Variants in SHKBP1 observed in about 807,000 individuals in gnomAD.
The protein encoded by SHKBP1 is SH3KBP1 binding protein 1, also known as SH3KBP1-binding protein 1.
In SHKBP1, 71 loss-of-function variants were observed where a neutral mutation model predicts 83.9. That is an observed-to-expected ratio of 0.85 (90% confidence interval 0.70 to 1.03). The LOEUF is 1.03. SHKBP1 is among the 50% of genes least tolerant of loss of function. The pLI is 0.00. For missense variants in SHKBP1, 824 were observed against 982.4 expected, an observed-to-expected ratio of 0.84 and a Z score of 2.16; for synonymous variants, 371 against 398.0, an observed-to-expected ratio of 0.93 and a Z score of 0.81.
intron 14 of SHKBP1, 79 bp downstream of exon 14, chr19:40,588,858 C>G: frequency 6.5e-7 from 1 of 1,550,142 alleles, no homozygotes; most frequent in Non-Finnish European, 8.7e-7. Context: ...TTCCCACTTG[C>G]GGCCACCTGA....
rs975318996 is a variant in SHKBP1, at chr19:40,590,470, C to G, written c.1768+48C>G. ...CCCGTCCCAAGCCCCACAGCCTCAC[C>G]CAGAACCACTCTCCACTGCCAACTG... On this transcript the variant is annotated intron_variant, in intron 16 of 17. Transcript: ENST00000291842. The surrounding 1 kb of genome is among the most constrained non-coding windows in gnomAD (Gnocchi z 4.6). The G allele has an allele frequency of 1.9e-6, 3 of 1,552,970 alleles. No individual in the cohort carries two copies. Among genetic ancestry groups the G allele is most frequent in the Non-Finnish European group, 2.6e-6 (3 of 1,145,716 alleles).
At chr19:40,589,714 G>A (rs926584101) in intron 15 of SHKBP1, among the ~76,000 whole-genome samples, 11 of 151,994 alleles carry the variant, frequency 7.2e-5, no homozygotes, top group Admixed American at 1.3e-4. Context: ...AAGAAGGCAG[G>A]GGAAGGGGGC....
chr19:40,591,157 G>C lies in SHKBP1; in HGVS notation c.2074G>C (p.Gly692Arg), dbSNP rs763242951. Residue 692 changes from glycine (G) to arginine (R), a missense_variant, in exon 18 of 18, where the codon GGC (glycine) becomes CGC (arginine). This residue lies in a region of SHKBP1 where 287 missense variants were observed against 322.9 expected (regional missense o/e 0.89). Transcript: ENST00000291842. ...TPAPWPSSGL[G>R]TPLTPPKMKL... ...AGCCCCGTGGCCCTCCAGCGGTCTCGGCACTCCCCTCACACCTCCCAAGAT... is the reference window on the plus strand; with the variant it reads ...AGCCCCGTGGCCCTCCAGCGGTCTCCGCACTCCCCTCACACCTCCCAAGAT... 4 of 1,602,992 alleles carry C rather than the reference G, an allele frequency of 2.5e-6. No homozygotes were observed. The Admixed American group carries it at 6.7e-5, about 27-fold the overall frequency.
chr19:40,578,972 A>G (rs1297810163), intron 6 of SHKBP1, among the ~76,000 whole-genome samples: 1 of 152,100 alleles, frequency 6.6e-6, no homozygotes, highest in East Asian at 1.9e-4. Flanking sequence ...GAGTAGGGAA[A>G]TTTCATCTAC....
At chr19:40,577,028 A>G in intron 1 of SHKBP1, 43 bp downstream of exon 1, 1 of 1,390,556 alleles carries the variant, frequency 7.2e-7, no homozygotes. Flanking sequence ...CGGGGGCGGG[A>G]AGCGGGGTGG....
chr19:40,577,909 C>A, intron 4 of SHKBP1: 1 of 615,420 alleles, frequency 1.6e-6, no homozygotes, highest in Non-Finnish European at 2.9e-6. Flanking sequence ...TCATGAGAAT[C>A]TTGATCATGT....
chr19:40,582,276 T>C (rs1392003887), intron 9 of SHKBP1, 75 bp from the exon 10 acceptor site: 51 of 1,161,972 alleles, frequency 4.4e-5, no homozygotes, highest in Non-Finnish European at 6.5e-5. Context: ...AACCCTCTGG[T>C]CCTTGGAGTT....
intron 6 of SHKBP1, among the ~76,000 whole-genome samples, chr19:40,579,266 G>A (rs1402374501): frequency 1.3e-5 from 2 of 151,782 alleles, no homozygotes; most frequent in African/African-American, 4.8e-5. Flanking sequence ...ACAAGCACTC[G>A]CCACCATGCC....
intron 12 of SHKBP1, 28 bp from the exon 13 acceptor site, chr19:40,586,746 C>A (rs1300361321): frequency 6.6e-7 from 1 of 1,518,986 alleles, no homozygotes; most frequent in Non-Finnish European, 8.9e-7. Flanking sequence ...TGGCCCAGGC[C>A]CTCTCCTCAT....
chr19:40,589,063 C>T lies in SHKBP1; in HGVS notation c.1493-19C>T. 1 of 1,608,752 alleles carries T rather than the reference C, an allele frequency of 6.2e-7. No homozygotes were observed. The highest frequency in any genetic ancestry group is 8.5e-7 in the Non-Finnish European group (1 of 1,179,040). On this transcript the variant is annotated intron_variant, in intron 14 of 17. Transcript: ENST00000291842. ...AGGGAATCCCAGCTGGCCCTGACCCCTGCCCCTGCCTGGCCCAGGCCCCTA... is the reference window on the plus strand; with the variant it reads ...AGGGAATCCCAGCTGGCCCTGACCCTTGCCCCTGCCTGGCCCAGGCCCCTA...
chr19:40,590,940 C>T lies in SHKBP1; in HGVS notation c.1893-36C>T, dbSNP rs757841172. The T allele has an allele frequency of 1.1e-5, 17 of 1,577,024 alleles. No homozygotes were observed. Among genetic ancestry groups the T allele is most frequent in the African/African-American group, 2.7e-5 (2 of 74,520 alleles). ...CGGGGACAGAGTGGCCCAGCTGCCC[C>T]GTGATGACGTGCACTTACTGTCCTT... On this transcript the variant is annotated intron_variant, in intron 17 of 17. Transcript: ENST00000291842. This position sits in a 1 kb window ranked among gnomAD's most constrained non-coding sequence, Gnocchi z 4.6.
intron 12 of SHKBP1, 187 bp from the exon 13 acceptor site, chr19:40,586,587 G>C (rs2081313803): frequency 2.2e-6 from 1 of 456,456 alleles, no homozygotes; most frequent in Admixed American, 4.4e-5. Context: ...GGCTGGTCTT[G>C]AACGCCTGAC....
intron 14 of SHKBP1, 81 bp downstream of exon 14, chr19:40,588,860 G>T (rs1166449388): frequency 1.1e-5 from 17 of 1,542,972 alleles, no homozygotes; most frequent in Non-Finnish European, 1.4e-5. Context: ...CCCACTTGCG[G>T]CCACCTGACC....
At chr19:40,579,525 G>A (rs2081249305) in intron 6 of SHKBP1, among the ~76,000 whole-genome samples, 4 of 152,088 alleles carry the variant, frequency 2.6e-5, no homozygotes, top group Admixed American at 2.6e-4. Context: ...TTAGCCAGGT[G>A]TGGTGGTATG....
rs543282304 is a variant in SHKBP1 at position 40,589,213 on chromosome 19, A to G, written c.1589+35A>G. ...GTCCTGTCCAACAGGGAGGGAGGAC[A>G]GTCCTGTCCAACAGGGAGGGAGGTC... On this transcript the variant is annotated intron_variant, in intron 15 of 17. Coordinates refer to ENST00000291842, the MANE Select transcript of SHKBP1 (RefSeq NM_138392.4). 4.7e-6 allele frequency: 7 copies of G among 1,490,012 alleles called. No homozygotes were observed. The South Asian group carries it at 7.1e-5, about 15-fold the overall frequency. 92.3% of individuals were successfully genotyped at this position (1,490,012 alleles called of 1,614,324 possible).
chr19:40,587,061 G>A (rs2081318593), intron 13 of SHKBP1, 117 bp downstream of exon 13: 1 of 969,926 alleles, frequency 1.0e-6, no homozygotes. Flanking sequence ...AGCTCTGGCG[G>A]AGAGGATTGA....
At position 40,580,480 on chromosome 19, in the gene SHKBP1, C is replaced by T; in HGVS notation, c.557C>T (p.Pro186Leu). 1.9e-6 allele frequency: 3 copies of T among 1,612,408 alleles called. No individual in the cohort carries two copies. The highest frequency in any genetic ancestry group is 2.5e-6 in the Non-Finnish European group (3 of 1,178,764). ...CTGGATGAGAAAACCCCTCCCTCAC[C>T]CTCAGGTACGTTTCTATCTCGTGGA... ...RMLDEKTPPSPSGQPEEPGMV... is the reference protein window; with the variant it reads ...RMLDEKTPPSLSGQPEEPGMV... The change falls in exon 7 of 18, where the codon CCC (proline) becomes CTC (leucine). Residue 186 changes from proline (P) to leucine (L), a missense_variant. Physicochemically the swap from Pro to Leu is moderately conservative, Grantham distance 98. Coordinates refer to ENST00000291842, the MANE Select transcript of SHKBP1 (RefSeq NM_138392.4).
rs773997714 is a variant in SHKBP1 at position 40,578,202 on chromosome 19, C to T, written c.309C>T (p.Leu103=). ...TCCATGAAGCCCAGTTCTATGGGCT[C>T]ACTCCTCTGGGTAAGTGGGAGCCCC... is the stretch of plus-strand genomic sequence containing the variant. ...SLLHEAQFYG[L]TPLVRRLQLR... The change falls in exon 5 of 18, where the codon CTC becomes CTT. Residue 103 remains leucine, a synonymous_variant. Coordinates refer to ENST00000291842, the MANE Select transcript of SHKBP1 (RefSeq NM_138392.4). The T allele has an allele frequency of 1.9e-6, 3 of 1,614,116 alleles. No individual in the cohort carries two copies. The highest frequency in any genetic ancestry group is 2.2e-5 in the South Asian group (2 of 91,088).
At position 40,583,662 on chromosome 19, in the gene SHKBP1, G is replaced by C; in HGVS notation, c.1110G>C (p.Arg370=). The stretch of plus-strand genomic sequence containing the variant: ...ACCTCCTTGTCAGCGAGCTCTATCG[G>C]GACCCAGCGGAGGATGGGGTCACCG... ...DNDLLVSELY[R]DPAEDGVTAL... Residue 370 remains arginine (R), a synonymous_variant, in exon 12 of 18, where the codon CGG becomes CGC. Transcript: ENST00000291842. 1 of 1,613,914 alleles carries C rather than the reference G, an allele frequency of 6.2e-7. No individual in the cohort carries two copies. The highest frequency in any genetic ancestry group is 8.5e-7 in the Non-Finnish European group (1 of 1,179,958).
Sources: allele counts gnomAD v4.1 joint callset (sites outside exome capture counted in the v4.1 genomes callset), GRCh38; gene constraint gnomAD v4.1.1; regional missense constraint gnomAD v4.1.1; non-coding constraint Gnocchi (gnomAD v3.1); transcripts MANE v1.5; gene names NCBI Gene and HGNC (gene_info 2026-07-23, HGNC 2026-07-21).